SLC39A9: variants seen among roughly 807,000 people sequenced by gnomAD.
The protein encoded by SLC39A9 is solute carrier family 39 member 9.
SLC39A9 carries 14 observed loss-of-function variants against 28.4 expected under a neutral mutation model. The ratio of observed to expected loss-of-function variants is 0.49; its 90% confidence interval spans 0.33 to 0.77. SLC39A9 has a LOEUF of 0.77. Among genes scored for constraint, SLC39A9 ranks in the 30% least tolerant of loss-of-function variants. The pLI is 0.02. For missense variants in SLC39A9, 283 were observed against 381.1 expected (o/e 0.74, Z 2.14); for synonymous variants, 119 against 149.6 (o/e 0.80, Z 1.49).
At position 69,442,271 on chromosome 14, in the gene SLC39A9, G is replaced by A. The variant is rs1418295846; in HGVS notation, c.403+5G>A. The A allele has an allele frequency of 1.2e-6, 2 of 1,613,952 alleles. No homozygotes were observed. The highest frequency in any genetic ancestry group is 1.7e-6 in the Non-Finnish European group (2 of 1,179,836). On this transcript the variant is annotated splice_donor_5th_base_variant and intron_variant, in intron 3 of 6. Coordinates refer to ENST00000336643, the MANE Select transcript of SLC39A9 (RefSeq NM_018375.5). The stretch of plus-strand genomic sequence containing the variant: ...CCCATGTGCATTCTACTGACGGTGA[G>A]TGGCTCCAAGGCTTTCTGGGCAGTG...
At position 69,458,799 on chromosome 14, in the gene SLC39A9, G is replaced by C; in HGVS notation, c.*206G>C. The C allele has an allele frequency of 7.5e-7, 1 of 1,328,208 alleles. No individual in the cohort carries two copies. Among genetic ancestry groups the C allele is most frequent in the Non-Finnish European group, 9.6e-7 (1 of 1,040,254 alleles). 82.3% of individuals were successfully genotyped at this position (1,328,208 alleles called of 1,614,324 possible). On this transcript the variant is annotated 3_prime_UTR_variant, in exon 7 of 7. Transcript: ENST00000336643. ...CACATTTACGTTGCAGTTAGCTATAGACATCCCATTGTGTTATCTTTTAAA... is the reference window on the plus strand; with the variant it reads ...CACATTTACGTTGCAGTTAGCTATACACATCCCATTGTGTTATCTTTTAAA...
chr14:69,460,222 G>T lies in SLC39A9; in HGVS notation c.*1629G>T. ...AGTTTGTAAAAACGTTTTCTATGAC[G>T]CATAAGCTAGCATGCCTATGATTTA... On this transcript the variant is annotated 3_prime_UTR_variant, in exon 7 of 7. Coordinates refer to ENST00000336643, the MANE Select transcript of SLC39A9 (RefSeq NM_018375.5). The T allele has an allele frequency of 1.0e-6, 1 of 985,546 alleles. No homozygotes were observed. Among genetic ancestry groups the T allele is most frequent in the Non-Finnish European group, 1.2e-6 (1 of 829,654 alleles). The allele number at this position is 985,546 out of a possible 1,614,324, so 61.1% of individuals were successfully genotyped here. A position where few individuals can be genotyped will look rare whatever the true frequency, so the allele number is the denominator to read the frequency against.
intron 2 of SLC39A9, among the ~76,000 whole-genome samples, chr14:69,425,463 GTA>G (rs1884137531): frequency 6.6e-6 from 1 of 152,128 alleles, no homozygotes; most frequent in South Asian, 2.1e-4. Context: ...CATTTTAAAA[GTA>G]TGATTTCCTG....
At chr14:69,438,438 C>T (rs1434611977) in intron 2 of SLC39A9, among the ~76,000 whole-genome samples, 1 of 152,156 alleles carries the variant, frequency 6.6e-6, no homozygotes, top group African/African-American at 2.4e-5. Context: ...AATTATAATA[C>T]ATTGTTTTCA....
At chr14:69,450,517 G>C (rs1382307687) in intron 3 of SLC39A9, among the ~76,000 whole-genome samples, 2 of 152,264 alleles carry the variant, frequency 1.3e-5, no homozygotes, top group Non-Finnish European at 2.9e-5. Context: ...GTGCACGCCT[G>C]TAATCCCAGC....
At chr14:69,434,921 T>C (rs1884670824) in intron 2 of SLC39A9, among the ~76,000 whole-genome samples, 1 of 152,228 alleles carries the variant, frequency 6.6e-6, no homozygotes, top group South Asian at 2.1e-4. Flanking sequence ...TGTTACTGAT[T>C]TCTAGTTTAA....
intron 1 of SLC39A9, among the ~76,000 whole-genome samples, chr14:69,411,211 C>CAAAA (rs35337440): frequency 8.0e-5 from 6 of 74,736 alleles, no homozygotes; most frequent in African/African-American, 1.6e-4. Context: ...GATTCCATCT[C>CAAAA]AAAAAAAAAA....
At chr14:69,400,630 A>G (rs1882579548) in intron 1 of SLC39A9, among the ~76,000 whole-genome samples, 1 of 152,214 alleles carries the variant, frequency 6.6e-6, no homozygotes, top group South Asian at 2.1e-4. Flanking sequence ...TGAAATATTA[A>G]GTACACCTTG....
At chr14:69,431,358 TGTC>T (rs1884480514) in intron 2 of SLC39A9, among the ~76,000 whole-genome samples, 1 of 152,180 alleles carries the variant, frequency 6.6e-6, no homozygotes, top group African/African-American at 2.4e-5. Context: ...TAAATAATCA[TGTC>T]GTCTGTGAAT....
intron 2 of SLC39A9, among the ~76,000 whole-genome samples, chr14:69,425,959 C>T (rs1050592917): frequency 1.5e-4 from 23 of 152,140 alleles, no homozygotes; most frequent in African/African-American, 5.6e-4. Context: ...GACACCTCAC[C>T]CAGCCCAGGT....
intron 3 of SLC39A9, among the ~76,000 whole-genome samples, chr14:69,443,868 CA>C (rs1885164089): frequency 6.6e-6 from 1 of 151,422 alleles, no homozygotes; most frequent in African/African-American, 2.4e-5. Context: ...GACCCTGTCT[CA>C]AAAATAATAA....
chr14:69,416,466 T>C (rs917030261), intron 1 of SLC39A9, among the ~76,000 whole-genome samples: 8 of 152,256 alleles, frequency 5.3e-5, no homozygotes, highest in African/African-American at 1.9e-4. Flanking sequence ...GCATGATTTA[T>C]AAGACTTTGG....
rs954801223 is a variant in SLC39A9, at chr14:69,460,389, C to G, written c.*1796C>G. 3.0e-6 allele frequency: 3 copies of G among 985,286 alleles called. No homozygotes were observed. Among genetic ancestry groups the G allele is most frequent in the African/African-American group, 3.5e-5 (2 of 57,220 alleles). 61.0% of individuals were successfully genotyped at this position (985,286 alleles called of 1,614,324 possible). A position where few individuals can be genotyped will look rare whatever the true frequency, so the allele number is the denominator to read the frequency against. On this transcript the variant is annotated 3_prime_UTR_variant, in exon 7 of 7. Transcript: ENST00000336643. ...CAACAATTGCATACAATTTTACTAC[C>G]AAGAGAAGGTATAGTATGGAAAGTC...
intron 1 of SLC39A9, among the ~76,000 whole-genome samples, chr14:69,419,213 T>C (rs1218516835): frequency 6.6e-6 from 1 of 152,200 alleles, no homozygotes; most frequent in East Asian, 1.9e-4. Context: ...TTTGTTCTCA[T>C]TGGTTTCAAA....
intron 2 of SLC39A9, among the ~76,000 whole-genome samples, chr14:69,439,840 T>C (rs940993413): frequency 2.6e-5 from 4 of 152,172 alleles, no homozygotes; most frequent in Non-Finnish European, 5.9e-5. Context: ...GGAAGCTTCC[T>C]GAGATCCTCA....
chr14:69,428,334 T>C (rs1304506554), intron 2 of SLC39A9, among the ~76,000 whole-genome samples: 1 of 150,770 alleles, frequency 6.6e-6, no homozygotes, highest in East Asian at 1.9e-4. Flanking sequence ...AGTTTACAAA[T>C]GGCTAACTTG....
chr14:69,414,894 A>G (rs569980347), intron 1 of SLC39A9, among the ~76,000 whole-genome samples: 4 of 152,216 alleles, frequency 2.6e-5, no homozygotes, highest in Non-Finnish European at 5.9e-5. Context: ...ACATTTATTC[A>G]TACAGTATAT....
rs938515280 is a variant in SLC39A9 at position 69,458,648 on chromosome 14, G to A, written c.*55G>A. ...CGTTTGCCATCCAGTGAGAACAGCC[G>A]GCACGTGACAGCTACTCACTTCCTC... On this transcript the variant is annotated 3_prime_UTR_variant, in exon 7 of 7. Transcript: ENST00000336643. 8.0e-6 allele frequency: 12 copies of A among 1,507,970 alleles called. No homozygotes were observed. Among genetic ancestry groups the A allele is most frequent in the South Asian group, 1.3e-5 (1 of 79,170 alleles). The allele number at this position is 1,507,970 out of a possible 1,614,324, so 93.4% of individuals were successfully genotyped here.
At chr14:69,414,079 A>G (rs1339817636) in intron 1 of SLC39A9, among the ~76,000 whole-genome samples, 1 of 134,266 alleles carries the variant, frequency 7.4e-6, no homozygotes, top group Non-Finnish European at 1.5e-5. Context: ...GAGAGAGGGT[A>G]TCGCTCTGTC....
Sources: gnomAD v4.1 joint callset for allele counts (sites outside exome capture counted in the v4.1 genomes callset) on GRCh38, gnomAD v4.1.1 for gene constraint, MANE v1.5 for transcripts, NCBI Gene and HGNC (gene_info 2026-07-23, HGNC 2026-07-21) for gene names.